The following TMCC3 variants were observed in gnomAD, a reference collection of about 807,000 sequenced individuals.
TMCC3 encodes the protein transmembrane and coiled-coil domain protein 3.
A neutral mutation model predicts 40.2 loss-of-function variants in TMCC3; 28 were observed. That is an observed-to-expected ratio of 0.70 (90% CI 0.52 to 0.95). TMCC3 has a LOEUF of 0.95. Ranked by LOEUF, TMCC3 falls within the 40% of genes least tolerant of loss-of-function variation. The pLI is 0.00. For missense variants in TMCC3, 554 were observed against 615.2 expected (o/e 0.90, Z 1.05); for synonymous variants, 255 against 248.5 (o/e 1.03, Z -0.25).
chr12:94,580,592 G>A (rs1357736211), intron 2 of TMCC3, among the ~76,000 whole-genome samples: 1 of 152,090 alleles, frequency 6.6e-6, no homozygotes, highest in Non-Finnish European at 1.5e-5. Context: ...AAAATTAGCT[G>A]GGCGTGGTGG....
intron 1 of TMCC3, among the ~76,000 whole-genome samples, chr12:94,643,361 A>C (rs1398426018): frequency 6.6e-6 from 1 of 152,168 alleles, no homozygotes; most frequent in Non-Finnish European, 1.5e-5. Context: ...GACATGGCTC[A>C]AAAGAAGGTG....
intron 1 of TMCC3, among the ~76,000 whole-genome samples, chr12:94,606,873 C>T (rs866517620): frequency 2.0e-5 from 3 of 152,156 alleles, no homozygotes; most frequent in South Asian, 2.1e-4. Context: ...CTGCTGTGCA[C>T]GTACTGTCTT....
chr12:94,571,371 A>G lies in TMCC3; in HGVS notation c.*64T>C. ...ACAATCATTCACTGTAAAATTTGGT[A>G]GTATGCACAGAGTTTTCTTTAAAAT... On this transcript the variant is annotated 3_prime_UTR_variant, in exon 4 of 4. Coordinates refer to ENST00000261226, the MANE Select transcript of TMCC3 (RefSeq NM_020698.4). 6.5e-7 allele frequency: 1 copy of G among 1,530,886 alleles called. No homozygotes were observed. The highest frequency in any genetic ancestry group is 8.9e-7 in the Non-Finnish European group (1 of 1,124,680). 94.8% of individuals were successfully genotyped at this position (1,530,886 alleles called of 1,614,324 possible).
At position 94,571,412 on chromosome 12, in the gene TMCC3, C is replaced by T. The variant is rs770550543; in HGVS notation, c.*23G>A. ...TCTTTAAAATAAAAACTTGAAAGAACTTGAAGGCAGGAACCAGTGGCTTCA... is the reference window on the plus strand; with the variant it reads ...TCTTTAAAATAAAAACTTGAAAGAATTTGAAGGCAGGAACCAGTGGCTTCA... On this transcript the variant is annotated 3_prime_UTR_variant, in exon 4 of 4. Coordinates refer to ENST00000261226, the MANE Select transcript of TMCC3 (RefSeq NM_020698.4). 4.4e-6 allele frequency: 7 copies of T among 1,600,894 alleles called. No individual in the cohort carries two copies. Among genetic ancestry groups the T allele is most frequent in the Non-Finnish European group, 6.0e-6 (7 of 1,171,494 alleles).
chr12:94,633,087 C>G (rs1045828033), intron 1 of TMCC3, among the ~76,000 whole-genome samples: 4 of 151,806 alleles, frequency 2.6e-5, no homozygotes. Context: ...GCCTGGGTGA[C>G]AGAGTGAGAC....
chr12:94,646,690 C>T (rs1594302969), intron 1 of TMCC3, among the ~76,000 whole-genome samples: 2 of 150,110 alleles, frequency 1.3e-5, no homozygotes, highest in East Asian at 2.0e-4. Flanking sequence ...CCACCTGCCT[C>T]GGCCTCCCAA....
intron 1 of TMCC3, among the ~76,000 whole-genome samples, chr12:94,635,384 T>C (rs2068954550): frequency 6.6e-6 from 1 of 152,160 alleles, no homozygotes; most frequent in African/African-American, 2.4e-5. Flanking sequence ...CGAGCTGCGA[T>C]GGTGTGTCAC....
At chr12:94,593,390 G>GA (rs1451084037) in intron 1 of TMCC3, among the ~76,000 whole-genome samples, 2 of 18,684 alleles carry the variant, frequency 1.1e-4, no homozygotes, top group African/African-American at 6.9e-4. Context: ...AAAGAAAGAA[G>GA]AAAGAAGAAA....
intron 1 of TMCC3, among the ~76,000 whole-genome samples, chr12:94,625,537 T>C (rs896086838): frequency 4.9e-5 from 7 of 143,840 alleles, no homozygotes; most frequent in Non-Finnish European, 9.0e-5. Flanking sequence ...GAGGTTGCAG[T>C]GAGCAGAAAT....
chr12:94,592,276 G>A (rs975183524), intron 1 of TMCC3, among the ~76,000 whole-genome samples: 1 of 152,192 alleles, frequency 6.6e-6, no homozygotes, highest in African/African-American at 2.4e-5. Context: ...TGCCATAAAG[G>A]TTTTATTCCT....
At chr12:94,636,823 C>G (rs1388001050) in intron 1 of TMCC3, among the ~76,000 whole-genome samples, 2 of 152,224 alleles carry the variant, frequency 1.3e-5, no homozygotes, top group East Asian at 3.8e-4. Context: ...TGCAAGAAAC[C>G]TAATCTTGTA....
In TMCC3 at chr12:94,571,404, T is replaced by C; in HGVS notation, c.*31A>G. ...CAGAGTTTTCTTTAAAATAAAAACT[T>C]GAAAGAACTTGAAGGCAGGAACCAG... On this transcript the variant is annotated 3_prime_UTR_variant, in exon 4 of 4. Coordinates refer to ENST00000261226, the MANE Select transcript of TMCC3 (RefSeq NM_020698.4). The C allele has an allele frequency of 1.3e-6, 2 of 1,595,024 alleles. No homozygotes were observed. Among genetic ancestry groups the C allele is most frequent in the South Asian group, 2.3e-5 (2 of 88,732 alleles).
Position 94,571,742 on chromosome 12 carries a change from G to T in TMCC3, c.1132-5C>A. On this transcript the variant is annotated splice_region_variant and splice_polypyrimidine_tract_variant and intron_variant, in intron 3 of 3. Coordinates refer to ENST00000261226, the MANE Select transcript of TMCC3 (RefSeq NM_020698.4). ...CTGGCAGGATTCCAAGGCTTCCTGT[G>T]AGCAAGAGGGAGAGCAAGGGTCAAA... 6.2e-7 allele frequency: 1 copy of T among 1,612,964 alleles called. No homozygotes were observed. Among genetic ancestry groups the T allele is most frequent in the South Asian group, 1.1e-5 (1 of 91,036 alleles).
Position 94,568,063 on chromosome 12 carries a change from T to G in TMCC3, c.*3372A>C, listed in dbSNP as rs1156234177. ...AGAGCGAAAACCACATGAATGCTAA[T>G]TGACAGAGAAGGATAACAGCCTCAC... is the stretch of plus-strand genomic sequence containing the variant. On this transcript the variant is annotated 3_prime_UTR_variant, in exon 4 of 4. Coordinates refer to ENST00000261226, the MANE Select transcript of TMCC3 (RefSeq NM_020698.4). The G allele has an allele frequency of 1.3e-5, 2 of 152,106 alleles. No homozygotes were observed. Among genetic ancestry groups the G allele is most frequent in the African/African-American group, 4.8e-5 (2 of 41,422 alleles). 9.4% of individuals were successfully genotyped at this position (152,106 alleles called of 1,614,324 possible).
chr12:94,614,149 T>A (rs1404789332), intron 1 of TMCC3, among the ~76,000 whole-genome samples: 2 of 149,658 alleles, frequency 1.3e-5, no homozygotes, highest in Non-Finnish European at 3.0e-5. Flanking sequence ...AAATAAAATG[T>A]GTGTGTGTGT....
chr12:94,593,918 C>T (rs2068698953), intron 1 of TMCC3, among the ~76,000 whole-genome samples: 1 of 152,048 alleles, frequency 6.6e-6, no homozygotes, highest in Non-Finnish European at 1.5e-5. Context: ...GCAAGAATGT[C>T]CCTTGAAAAG....
Position 94,578,919 on chromosome 12 carries a change from T to A in TMCC3, c.996-390A>T, listed in dbSNP as rs111465767. The stretch of plus-strand genomic sequence containing the variant: ...TGGTGTCTGTGGTGCCTTTTCCCTA[T>A]TCTGCCCTGACACTGCTGTTGGGGT... On this transcript the variant is annotated intron_variant, in intron 2 of 3. Coordinates refer to ENST00000261226, the MANE Select transcript of TMCC3 (RefSeq NM_020698.4). Among the ~76,000 whole-genome samples, 736 of 152,306 alleles carry A rather than the reference T, an allele frequency of 4.8e-3. 3 individuals are homozygous for A. The highest frequency in any genetic ancestry group is 0.017 in the African/African-American group (691 of 41,574).
At position 94,582,233 on chromosome 12, in the gene TMCC3, C is replaced by T; in HGVS notation, c.384G>A (p.Gln128=). ...GATACTGCTCTAACTTCTTCTGCAG[C>T]TGGGCGATGGAGTGAGCTGATTTCT... ...KNQKSAHSIA[Q]LQKKLEQYHR... Residue 128 remains glutamine, a synonymous_variant, in exon 2 of 4, where the codon CAG becomes CAA. Coordinates refer to ENST00000261226, the MANE Select transcript of TMCC3 (RefSeq NM_020698.4). The T allele has an allele frequency of 3.7e-6, 6 of 1,614,168 alleles. No homozygotes were observed. The highest frequency in any genetic ancestry group is 1.1e-5 in the South Asian group (1 of 91,086).
intron 3 of TMCC3, among the ~76,000 whole-genome samples, chr12:94,572,430 C>T (rs1293262113): frequency 6.7e-6 from 1 of 150,186 alleles, no homozygotes; most frequent in Non-Finnish European, 1.5e-5. Context: ...CCTGCCTCAG[C>T]CTCCTGAGTA....
Sources: allele counts gnomAD v4.1 joint callset (sites outside exome capture counted in the v4.1 genomes callset), GRCh38; gene constraint gnomAD v4.1.1; transcripts MANE v1.5; gene names NCBI Gene and HGNC (gene_info 2026-07-23, HGNC 2026-07-21).